TRIO: variants seen among roughly 807,000 people sequenced by gnomAD.
TRIO encodes the protein trio Rho guanine nucleotide exchange factor, also known as triple functional domain protein.
In TRIO, 58 loss-of-function variants were observed where a neutral mutation model predicts 351.9. The ratio of observed to expected loss-of-function variants is 0.16; its 90% CI spans 0.13 to 0.21. The LOEUF (loss-of-function observed/expected upper bound fraction) is 0.21, where lower values mean the gene tolerates loss of function less well. Ranked by LOEUF, TRIO falls within the 10% of genes least tolerant of loss-of-function variation. The pLI is 1.00. For missense variants in TRIO, 3,201 were observed against 4,027.8 expected (o/e 0.79, Z 5.56); for synonymous variants, 1,758 against 1,595.7 (o/e 1.10, Z -2.42).
chr5:14,222,515 A>G (rs993074855), intron 1 of TRIO, among the ~76,000 whole-genome samples: 5 of 152,212 alleles, frequency 3.3e-5, no homozygotes, highest in Admixed American at 6.5e-5. Flanking sequence ...CTGCTCTGAG[A>G]CAAACACTAA....
chr5:14,267,205 C>T (rs1795734301), intron 1 of TRIO, among the ~76,000 whole-genome samples: 1 of 152,116 alleles, frequency 6.6e-6, no homozygotes, highest in Non-Finnish European at 1.5e-5. Flanking sequence ...TCTGTTAATC[C>T]TAATTTTACC....
At chr5:14,439,167 C>T (rs967290086) in intron 34 of TRIO, among the ~76,000 whole-genome samples, 9 of 152,132 alleles carry the variant, frequency 5.9e-5, no homozygotes, top group South Asian at 2.1e-4. Context: ...AAGCATGTGC[C>T]GTCATGCCTA....
At chr5:14,289,521 C>G (rs1478990429) in intron 4 of TRIO, among the ~76,000 whole-genome samples, 3 of 151,622 alleles carry the variant, frequency 2.0e-5, no homozygotes, top group Admixed American at 1.3e-4. Context: ...ACACTCCAGT[C>G]TGGAAGACAG....
intron 37 of TRIO, 99 bp downstream of exon 37, chr5:14,465,739 A>T: frequency 7.4e-7 from 1 of 1,356,842 alleles, no homozygotes; most frequent in Admixed American, 1.9e-5. Context: ...GGGCTGCAGA[A>T]TGTGGCTGTG....
chr5:14,482,827 C>A, intron 46 of TRIO, 54 bp downstream of exon 46: 4 of 1,380,212 alleles, frequency 2.9e-6, no homozygotes, highest in Non-Finnish European at 1.9e-6. Context: ...CCCGTCACAC[C>A]GATACACTGT....
Position 14,488,114 on chromosome 5 carries a change from C to T in TRIO, c.7486C>T (p.Arg2496Ter). 1 of 1,609,598 alleles carries T rather than the reference C, an allele frequency of 6.2e-7. No homozygotes were observed. Among genetic ancestry groups the T allele is most frequent in the Non-Finnish European group, 8.5e-7 (1 of 1,179,228 alleles). ...CTCCATCCCCGCCTCCCCCGCCAGC[C>T]GACCCGGCTCCTTCACCTTCCCGGG... Reference protein sequence around the residue: ...WSSIPASPASRPGSFTFPGDS... With the variant: ...WSSIPASPAS Residue 2496 changes from arginine (R) to a stop codon, truncating the protein, a stop_gained, in exon 48 of 57, where the codon CGA becomes TGA. Transcript: ENST00000344204. LOFTEE classifies it high-confidence loss of function.
At chr5:14,379,945 C>A (rs947225250) in intron 20 of TRIO, among the ~76,000 whole-genome samples, 1 of 152,184 alleles carries the variant, frequency 6.6e-6, no homozygotes, top group African/African-American at 2.4e-5. Context: ...GCGCAGGCCC[C>A]TCCCGCCTGC....
At chr5:14,306,782 T>C (rs1386136261) in intron 8 of TRIO, among the ~76,000 whole-genome samples, 3 of 152,222 alleles carry the variant, frequency 2.0e-5, no homozygotes, top group Non-Finnish European at 4.4e-5. Flanking sequence ...TGCTTGTTGC[T>C]CTCGGCAGTT....
At chr5:14,405,150 T>C (rs561503643) in intron 31 of TRIO, among the ~76,000 whole-genome samples, 1 of 151,920 alleles carries the variant, frequency 6.6e-6, no homozygotes, top group African/African-American at 2.4e-5. Context: ...AGGTGCTTGC[T>C]GACAATCTAG....
chr5:14,213,476 C>T (rs1011114732), intron 1 of TRIO, among the ~76,000 whole-genome samples: 1 of 151,974 alleles, frequency 6.6e-6, no homozygotes, highest in African/African-American at 2.4e-5. Context: ...TAAGCTGATG[C>T]ACAAGTTAGC....
chr5:14,223,872 C>T (rs540645966), intron 1 of TRIO, among the ~76,000 whole-genome samples: 4 of 152,294 alleles, frequency 2.6e-5, no homozygotes, highest in African/African-American at 9.6e-5. Context: ...CTTACTGTTA[C>T]ATTTTACTGA....
At chr5:14,452,560 C>G (rs1052435783) in intron 34 of TRIO, among the ~76,000 whole-genome samples, 3 of 152,320 alleles carry the variant, frequency 2.0e-5, no homozygotes, top group East Asian at 3.9e-4. Context: ...CAGGCAAATA[C>G]CTATTGAACA....
At chr5:14,496,218 A>G (rs962143332) in intron 49 of TRIO, among the ~76,000 whole-genome samples, 8 of 152,216 alleles carry the variant, frequency 5.3e-5, no homozygotes. Flanking sequence ...GCACTAAGAA[A>G]CCAAAACTTG....
chr5:14,336,994 A>T (rs1482862465), intron 11 of TRIO, among the ~76,000 whole-genome samples: 6 of 152,132 alleles, frequency 3.9e-5, no homozygotes, highest in Admixed American at 6.5e-5. Flanking sequence ...GAGAACGTCC[A>T]TTTCTATAAG....
chr5:14,148,405 A>G (rs1581230797), intron 1 of TRIO, among the ~76,000 whole-genome samples: 2 of 152,170 alleles, frequency 1.3e-5, no homozygotes, highest in South Asian at 4.1e-4. Flanking sequence ...TTACTTGACT[A>G]TCGAGAAAAT....
At chr5:14,477,739 G>A (rs780680860) in intron 41 of TRIO, among the ~76,000 whole-genome samples, 5 of 152,210 alleles carry the variant, frequency 3.3e-5, no homozygotes, top group South Asian at 2.1e-4. Flanking sequence ...AGCCATGCGC[G>A]GTCCTGTGAC....
chr5:14,495,259 T>G (rs1186648976), intron 49 of TRIO, among the ~76,000 whole-genome samples: 1 of 152,242 alleles, frequency 6.6e-6, no homozygotes, highest in Non-Finnish European at 1.5e-5. Flanking sequence ...GATGTGGAGC[T>G]GCTTCTTAGG....
At chr5:14,418,528 A>G (rs966396530) in intron 33 of TRIO, among the ~76,000 whole-genome samples, 3 of 152,130 alleles carry the variant, frequency 2.0e-5, no homozygotes, top group East Asian at 3.9e-4. Flanking sequence ...CTTGATGGTG[A>G]TACTGTTACC....
intron 2 of TRIO, among the ~76,000 whole-genome samples, chr5:14,280,044 CAT>C (rs1735862600): frequency 6.6e-6 from 1 of 152,096 alleles, no homozygotes; most frequent in Non-Finnish European, 1.5e-5. Flanking sequence ...CTGTCCAAAA[CAT>C]AAAAACTGAA....
Sources: allele counts gnomAD v4.1 joint callset (sites outside exome capture counted in the v4.1 genomes callset), GRCh38; gene constraint gnomAD v4.1.1; transcripts MANE v1.5; gene names NCBI Gene and HGNC (gene_info 2026-07-23, HGNC 2026-07-21).